The following CLSTN2 variants were observed in gnomAD, a reference collection of about 807,000 sequenced individuals.
CLSTN2 encodes the protein calsyntenin 2, also known as calsyntenin-2.
In CLSTN2, 48 loss-of-function variants were observed where a neutral mutation model predicts 101.2. The ratio of observed to expected loss-of-function variants is 0.47; its 90% CI spans 0.38 to 0.60. CLSTN2 has a LOEUF of 0.60. Ranked by LOEUF, CLSTN2 falls within the 20% of genes least tolerant of loss-of-function variation. CLSTN2 has a pLI of 0.00. For missense variants in CLSTN2, 1,160 were observed against 1,238.2 expected (o/e 0.94, Z 0.95); for synonymous variants, 481 against 463.6 (o/e 1.04, Z -0.48).
chr3:140,322,748 G>T (rs2087295988), intron 2 of CLSTN2, among the ~76,000 whole-genome samples: 1 of 152,204 alleles, frequency 6.6e-6, no homozygotes, highest in African/African-American at 2.4e-5. Context: ...AGTCCTGGTT[G>T]TAAAGCCTCT....
intron 2 of CLSTN2, among the ~76,000 whole-genome samples, chr3:140,240,427 A>G (rs2086457465): frequency 6.6e-6 from 1 of 151,474 alleles, no homozygotes; most frequent in Admixed American, 6.6e-5. Flanking sequence ...ATTTGGAAAG[A>G]GAAGATTTGA....
chr3:140,348,034 A>G (rs371695824), intron 2 of CLSTN2, among the ~76,000 whole-genome samples: 78 of 152,292 alleles, frequency 5.1e-4, no homozygotes, highest in African/African-American at 1.8e-3. Flanking sequence ...ATTGTCTGTC[A>G]GTTGGAAAGG....
chr3:140,546,755 G>A (rs144221765), intron 10 of CLSTN2, 74 bp downstream of exon 10: 31 of 1,346,728 alleles, frequency 2.3e-5, no homozygotes, highest in Admixed American at 1.1e-4. Flanking sequence ...GCCAGCACAC[G>A]CCAGGAAATG....
rs557151678 is a variant in CLSTN2, at chr3:140,259,753, T to C, written c.232+83680T>C. On this transcript the variant is annotated intron_variant, in intron 2 of 16. Transcript: ENST00000458420. ...TAATTATACACTATATATTCTGGCA[T>C]CTTTCACTCAGCATCATAATTTGGG... Among the ~76,000 whole-genome samples, 5 of 152,338 alleles carry C rather than the reference T, an allele frequency of 3.3e-5. No homozygotes were observed. The East Asian group carries it at 9.6e-4, about 29-fold the overall frequency.
chr3:140,538,645 A>G (rs968995224), intron 9 of CLSTN2, among the ~76,000 whole-genome samples: 1 of 152,202 alleles, frequency 6.6e-6, no homozygotes, highest in Non-Finnish European at 1.5e-5. Context: ...GCATGCCTTC[A>G]TTTAATAAGC....
chr3:140,066,339 C>G (rs1355361151), intron 1 of CLSTN2, among the ~76,000 whole-genome samples: 12 of 152,194 alleles, frequency 7.9e-5, no homozygotes, highest in Admixed American at 7.9e-4. Flanking sequence ...GGTGTTTCTT[C>G]AAGACTCTTT....
At chr3:140,176,552 T>A (rs60200383) in intron 2 of CLSTN2, among the ~76,000 whole-genome samples, 5,575 of 152,336 alleles carry the variant, frequency 0.037, 325 homozygotes, top group African/African-American at 0.13. Context: ...CAAGTGGGTG[T>A]GTCTCTGCAG....
chr3:140,219,177 TG>T (rs2086240009), intron 2 of CLSTN2, among the ~76,000 whole-genome samples: 1 of 152,010 alleles, frequency 6.6e-6, no homozygotes, highest in Admixed American at 6.5e-5. Context: ...TGGAGACATG[TG>T]TGCCTGCTGC....
chr3:140,468,449 G>A (rs1165037229), intron 8 of CLSTN2, among the ~76,000 whole-genome samples: 5 of 152,216 alleles, frequency 3.3e-5, no homozygotes, highest in Admixed American at 6.5e-5. Context: ...AAGATATAGT[G>A]AATCTAGCAG....
rs151126070 is a variant in CLSTN2, at chr3:140,257,011, G to A, written c.232+80938G>A. ...GTGTATAGAAAGGCATACATAGGCCGGGCGCGATGGCTCACGCTTGTAATC... is the reference window on the plus strand; with the variant it reads ...GTGTATAGAAAGGCATACATAGGCCAGGCGCGATGGCTCACGCTTGTAATC... On this transcript the variant is annotated intron_variant, in intron 2 of 16. Coordinates refer to ENST00000458420, the MANE Select transcript of CLSTN2 (RefSeq NM_022131.3). Among the ~76,000 whole-genome samples the A allele has an allele frequency of 2.8e-3, 430 of 152,238 alleles. 1 individual carries two copies. The highest frequency in any genetic ancestry group is 9.4e-3 in the African/African-American group (392 of 41,562).
intron 2 of CLSTN2, among the ~76,000 whole-genome samples, chr3:140,235,772 G>A (rs891121543): frequency 6.6e-6 from 1 of 152,188 alleles, no homozygotes; most frequent in African/African-American, 2.4e-5. Flanking sequence ...GTAGATGAAT[G>A]CCTTATGATT....
At chr3:140,246,729 A>G (rs1020449244) in intron 2 of CLSTN2, among the ~76,000 whole-genome samples, 1 of 152,164 alleles carries the variant, frequency 6.6e-6, no homozygotes, top group Non-Finnish European at 1.5e-5. Context: ...CAACAGGGGC[A>G]TATGTGGGCA....
At chr3:140,141,473 T>A (rs1163130220) in intron 1 of CLSTN2, among the ~76,000 whole-genome samples, 1 of 152,184 alleles carries the variant, frequency 6.6e-6, no homozygotes, top group Non-Finnish European at 1.5e-5. Context: ...AATGGCTGTG[T>A]ATTCTAGGAA....
chr3:140,259,430 C>T (rs774577064), intron 2 of CLSTN2, among the ~76,000 whole-genome samples: 4 of 152,020 alleles, frequency 2.6e-5, no homozygotes, highest in East Asian at 1.9e-4. Flanking sequence ...GCTGAGATTG[C>T]GCCATTGCAC....
At chr3:140,357,567 C>T (rs1440114097) in intron 2 of CLSTN2, among the ~76,000 whole-genome samples, 1 of 152,140 alleles carries the variant, frequency 6.6e-6, no homozygotes, top group Non-Finnish European at 1.5e-5. Context: ...CACTTTAGCA[C>T]TCGCCCTGTT....
intron 2 of CLSTN2, among the ~76,000 whole-genome samples, chr3:140,381,205 T>C (rs2087978251): frequency 6.6e-6 from 1 of 152,238 alleles, no homozygotes; most frequent in Non-Finnish European, 1.5e-5. Flanking sequence ...CTGTGTGTTT[T>C]CACATCATCT....
intron 2 of CLSTN2, among the ~76,000 whole-genome samples, chr3:140,195,296 C>T (rs1479628518): frequency 6.6e-6 from 1 of 152,132 alleles, no homozygotes; most frequent in Non-Finnish European, 1.5e-5. Flanking sequence ...TACCAGTTGT[C>T]ATTTCTGAGT....
intron 2 of CLSTN2, among the ~76,000 whole-genome samples, chr3:140,397,362 C>T (rs1039188142): frequency 6.6e-6 from 1 of 152,090 alleles, no homozygotes; most frequent in Non-Finnish European, 1.5e-5. Flanking sequence ...AGATATTCTT[C>T]TCTGATAGTA....
intron 10 of CLSTN2, among the ~76,000 whole-genome samples, chr3:140,551,097 C>T (rs1935691470): frequency 6.6e-6 from 1 of 152,202 alleles, no homozygotes; most frequent in Admixed American, 6.5e-5. Flanking sequence ...AGTTCATGCT[C>T]TTTCCTCCAT....
Sources: gnomAD v4.1 joint callset for allele counts (sites outside exome capture counted in the v4.1 genomes callset) on GRCh38, gnomAD v4.1.1 for gene constraint, MANE v1.5 for transcripts, NCBI Gene and HGNC (gene_info 2026-07-23, HGNC 2026-07-21) for gene names.